MRPL3: variants seen among roughly 807,000 people sequenced by gnomAD.
MRPL3 encodes large ribosomal subunit protein uL3m.
MRPL3 carries 43 observed loss-of-function variants against 44.3 expected under a neutral mutation model. The observed-to-expected ratio is 0.97, with a 90% confidence interval of 0.76 to 1.25. The LOEUF (loss-of-function observed/expected upper bound fraction) is 1.25. Among genes scored for constraint, MRPL3 ranks in the 50% most tolerant of loss-of-function variants. MRPL3 has a pLI of 0.00. For synonymous variants in MRPL3, 171 were observed against 152.3 expected (o/e 1.12, Z -0.91); for missense variants, 406 against 427.6 (o/e 0.95, Z 0.45).
rs138585839 is a variant in MRPL3 at position 131,467,721 on chromosome 3, C to T, written c.894+370G>A. Among the ~76,000 whole-genome samples, 4 of 152,212 alleles carry T rather than the reference C, an allele frequency of 2.6e-5. No individual in the cohort carries two copies. In the East Asian group the frequency reaches 5.8e-4, roughly 22 times the overall value. Reference sequence around the variant, plus strand: ...GCTTCCTGAACAGCCTGTGGAACCACGAGCCAATTAAACCTCTTTTATTTA... The same window carrying T: ...GCTTCCTGAACAGCCTGTGGAACCATGAGCCAATTAAACCTCTTTTATTTA... On this transcript the variant is annotated intron_variant, in intron 9 of 9. Coordinates refer to ENST00000264995, the MANE Select transcript of MRPL3 (RefSeq NM_007208.4).
intron 6 of MRPL3, chr3:131,487,112 A>ACTATG (rs1934142562): frequency 6.6e-6 from 1 of 152,670 alleles, no homozygotes; most frequent in African/African-American, 2.4e-5. Context: ...ACCATGGAAT[A>ACTATG]CTATGCAGCC....
intron 6 of MRPL3, among the ~76,000 whole-genome samples, chr3:131,473,016 C>T (rs1358431507): frequency 6.6e-6 from 1 of 152,118 alleles, no homozygotes; most frequent in Non-Finnish European, 1.5e-5. Context: ...AATGCAACCT[C>T]TATCAAAATA....
intron 4 of MRPL3, 48 bp downstream of exon 4, chr3:131,498,131 G>C (rs757421941): frequency 4.0e-6 from 5 of 1,244,114 alleles, no homozygotes; most frequent in Admixed American, 3.5e-5. Flanking sequence ...ATCCAGATTT[G>C]AAACTGATGA....
At chr3:131,465,697 T>G (rs1247115532) in intron 9 of MRPL3, among the ~76,000 whole-genome samples, 1 of 152,138 alleles carries the variant, frequency 6.6e-6, no homozygotes, top group Non-Finnish European at 1.5e-5. Flanking sequence ...GATATGAAGA[T>G]ATGTCTTCAC....
intron 4 of MRPL3, among the ~76,000 whole-genome samples, chr3:131,492,951 G>A (rs952967607): frequency 3.3e-5 from 5 of 152,050 alleles, no homozygotes; most frequent in African/African-American, 4.8e-5. Context: ...CTTAAGACTC[G>A]ATATAGATTG....
At chr3:131,501,967 C>A in intron 1 of MRPL3, 2 of 1,471,300 alleles carry the variant, frequency 1.4e-6, no homozygotes, top group South Asian at 1.2e-5. Context: ...TAAACATATT[C>A]CCCAAAAAAC....
At chr3:131,492,597 C>T (rs761187341) in intron 4 of MRPL3, among the ~76,000 whole-genome samples, 10 of 152,072 alleles carry the variant, frequency 6.6e-5, no homozygotes, top group Non-Finnish European at 1.5e-4. Flanking sequence ...AGGTAGAGCT[C>T]GGGTGGTAAC....
At chr3:131,467,217 G>GA (rs937926884) in intron 9 of MRPL3, among the ~76,000 whole-genome samples, 7 of 151,666 alleles carry the variant, frequency 4.6e-5, no homozygotes, top group African/African-American at 1.7e-4. Context: ...GCATTCTCTA[G>GA]AATATTCTTC....
intron 6 of MRPL3, among the ~76,000 whole-genome samples, chr3:131,477,131 C>T (rs1933869915): frequency 6.6e-6 from 1 of 152,184 alleles, no homozygotes. Flanking sequence ...ATAAATCCAT[C>T]ATGTATTTCT....
intron 8 of MRPL3, among the ~76,000 whole-genome samples, chr3:131,469,435 C>A (rs1432188103): frequency 5.3e-5 from 8 of 151,790 alleles, no homozygotes; most frequent in Non-Finnish European, 8.8e-5. Context: ...TCTTCCAGGT[C>A]CAAGAGTGGA....
chr3:131,496,624 A>C (rs1162682847), intron 4 of MRPL3, among the ~76,000 whole-genome samples: 1 of 152,248 alleles, frequency 6.6e-6, no homozygotes, highest in African/African-American at 2.4e-5. Flanking sequence ...GCACTGACCT[A>C]GTTGTGTCCT....
At chr3:131,472,783 T>G (rs1414911330) in intron 6 of MRPL3, among the ~76,000 whole-genome samples, 1 of 151,386 alleles carries the variant, frequency 6.6e-6, no homozygotes, top group Non-Finnish European at 1.5e-5. Flanking sequence ...TAGTGAACTA[T>G]CTGAAAAAAA....
At position 131,489,995 on chromosome 3, in the gene MRPL3, G is replaced by A. The variant is rs767055598; in HGVS notation, c.554C>T (p.Ala185Val). 31 of 1,605,920 alleles carry A rather than the reference G, an allele frequency of 1.9e-5. No homozygotes were observed. The Admixed American group carries it at 3.2e-4, about 16-fold the overall frequency. Residue 185 changes from alanine to valine, a missense_variant, in exon 5 of 10, where the codon GCT becomes GTT. Coordinates refer to ENST00000264995, the MANE Select transcript of MRPL3 (RefSeq NM_007208.4). ...CCTCAAATTACCTGGTTTAATTGCA[G>A]CATTATCTGTTATATTAAAGATTTT... ...TVKIFNITDN[A>V]AIKPGTPLYA...
Position 131,469,717 on chromosome 3 carries a change from GTA to G in MRPL3, c.793_794del (p.Tyr265GlnfsTer28), listed in dbSNP as rs1559813715. On this transcript the variant is annotated frameshift_variant, in exon 8 of 10. Transcript: ENST00000264995. LOFTEE classifies it high-confidence loss of function. ...TKMPGKMGNI[Y>X]RTEYGLKVWR... ...TTACTTTCAGTCCATATTCTGTCCT[GTA>G]TATGTTTCCCATTTTTCCAGGCATT... 6.2e-7 allele frequency: 1 copy of G among 1,611,806 alleles called. No individual in the cohort carries two copies. Among genetic ancestry groups the G allele is most frequent in the Non-Finnish European group, 8.5e-7 (1 of 1,178,594 alleles).
chr3:131,472,801 A>T (rs1216843804), intron 6 of MRPL3, among the ~76,000 whole-genome samples: 2 of 152,200 alleles, frequency 1.3e-5, no homozygotes, highest in Non-Finnish European at 2.9e-5. Flanking sequence ...AAAAATCAAG[A>T]AAACAATTCC....
Position 131,489,836 on chromosome 3 carries a change from AAAAC to A in MRPL3, c.568+141_568+144del, listed in dbSNP as rs1400368207. 3.5e-4 allele frequency: 186 copies of A among 533,858 alleles called. No homozygotes were observed. The East Asian group carries it at 5.5e-3, about 16-fold the overall frequency. The allele number at this position is 533,858 out of a possible 1,614,324, so 33.1% of individuals were successfully genotyped here. A position where few individuals can be genotyped will look rare whatever the true frequency, so the allele number is the denominator to read the frequency against. ...CAGGTTTTTCCACTAAAAAAAAAAA[AAAAC>A]AAAATGAGATACAGTTTTGTATTTA... On this transcript the variant is annotated intron_variant, in intron 5 of 9. Transcript: ENST00000264995.
At chr3:131,490,900 C>T (rs1934241515) in intron 4 of MRPL3, among the ~76,000 whole-genome samples, 1 of 152,184 alleles carries the variant, frequency 6.6e-6, no homozygotes, top group South Asian at 2.1e-4. Context: ...GGCTGGAAAT[C>T]ATGCTGACAG....
In MRPL3 at chr3:131,463,380, CA is replaced by C. The variant is rs34853974; in HGVS notation, c.895-506del. On this transcript the variant is annotated intron_variant, in intron 9 of 9. Transcript: ENST00000264995. The stretch of plus-strand genomic sequence containing the variant: ...AGATTGTATTTCTATGTCACATGGT[CA>C]AAAAAAAAAAAAAGTCCTGTATTGA... Among the ~76,000 whole-genome samples the C allele has an allele frequency of 8.9e-3, 1,118 of 126,052 alleles. 4 individuals carry two copies. The highest frequency in any genetic ancestry group is 0.024 in the African/African-American group (806 of 33,168). 82.7% of individuals were successfully genotyped at this position (126,052 alleles called of 152,430 possible).
At chr3:131,474,597 C>G (rs1171710741) in intron 6 of MRPL3, among the ~76,000 whole-genome samples, 1 of 151,932 alleles carries the variant, frequency 6.6e-6, no homozygotes, top group Non-Finnish European at 1.5e-5. Context: ...CCGTAACTAC[C>G]CTAATTTGAT....
Sources: gnomAD v4.1 joint callset for allele counts (sites outside exome capture counted in the v4.1 genomes callset) on GRCh38, gnomAD v4.1.1 for gene constraint, MANE v1.5 for transcripts, NCBI Gene and HGNC (gene_info 2026-07-23, HGNC 2026-07-21) for gene names.